The following ZNF423 variants were observed in gnomAD, a reference collection of about 807,000 sequenced individuals.
The protein encoded by ZNF423 is Ebf-associated zinc finger protein.
Under a neutral mutation model 95.8 loss-of-function variants are expected in ZNF423, and 12 were observed. That is an observed-to-expected ratio of 0.13 (90% confidence interval 0.08 to 0.20). ZNF423 has a LOEUF of 0.20. ZNF423 is among the 10% of genes least tolerant of loss of function. ZNF423 has a pLI of 1.00. For missense variants in ZNF423, 1,316 were observed against 1,737.1 expected, an observed-to-expected ratio of 0.76 and a Z score of 4.31; for synonymous variants, 749 against 711.9, an observed-to-expected ratio of 1.05 and a Z score of -0.83.
chr16:49,694,105 G>A (rs886153484), intron 3 of ZNF423, among the ~76,000 whole-genome samples: 13 of 152,142 alleles, frequency 8.5e-5, no homozygotes, highest in Admixed American at 8.5e-4. Flanking sequence ...TCCCCATGCC[G>A]TGATCATTTC....
chr16:49,565,207 T>G (rs1438848112), intron 5 of ZNF423, among the ~76,000 whole-genome samples: 2 of 152,204 alleles, frequency 1.3e-5, no homozygotes, highest in Non-Finnish European at 1.5e-5. Context: ...CCCTTTTCAG[T>G]GCAAACCCAC....
chr16:49,555,871 A>G lies in ZNF423; in HGVS notation c.3602-30377T>C, dbSNP rs1346889727. ...TGGATTGATGGGATGAGGAGGTTGAAAGGATGGATAGATGGATGGGTGGAT... is the reference window on the plus strand; with the variant it reads ...TGGATTGATGGGATGAGGAGGTTGAGAGGATGGATAGATGGATGGGTGGAT... On this transcript the variant is annotated intron_variant, in intron 5 of 7. Transcript: ENST00000563137. 3.9e-5 allele frequency among the ~76,000 whole-genome samples: 6 copies of G among 152,090 alleles called. 1 individual carries two copies. Among genetic ancestry groups the G allele is most frequent in the African/African-American group, 1.4e-4 (6 of 41,416 alleles).
chr16:49,624,051 T>C (rs190098287), intron 5 of ZNF423, among the ~76,000 whole-genome samples: 3 of 152,306 alleles, frequency 2.0e-5, no homozygotes, highest in Admixed American at 2.0e-4. Flanking sequence ...AGAAATGTAT[T>C]TGTCAGCATT....
chr16:49,679,122 A>G (rs1288004499), intron 3 of ZNF423, among the ~76,000 whole-genome samples: 57 of 152,328 alleles, frequency 3.7e-4, no homozygotes, highest in Admixed American at 3.7e-3. Flanking sequence ...GTTTTTGTTC[A>G]GTATACACAG....
At chr16:49,793,828 G>A (rs2034454377) in intron 1 of ZNF423, among the ~76,000 whole-genome samples, 1 of 152,176 alleles carries the variant, frequency 6.6e-6, no homozygotes, top group African/African-American at 2.4e-5. Flanking sequence ...TACACAGGGA[G>A]GGGGCACATG....
Position 49,636,091 on chromosome 16 carries a change from G to C in ZNF423, c.3085C>G (p.Arg1029Gly). Reference sequence around the variant, plus strand: ...ACTGTCTGCATGCAGACCACACAGCGGAAGCCCGTGAGTGAGTTGCGCAGG... The same window carrying C: ...ACTGTCTGCATGCAGACCACACAGCCGAAGCCCGTGAGTGAGTTGCGCAGG... ...PDLRNSLTGF[R>G]CVVCMQTVTS... The change falls in exon 4 of 8, where the codon CGC becomes GGC. Residue 1029 changes from arginine to glycine, a missense_variant. Arg to Gly is a moderately radical substitution (Grantham distance 125). Coordinates refer to ENST00000563137, the MANE Select transcript of ZNF423 (RefSeq NM_001379286.1). The surrounding 1 kb of genome is among the most constrained non-coding windows in gnomAD (Gnocchi z 8.6). 3 of 1,613,980 alleles carry C rather than the reference G, an allele frequency of 1.9e-6. No individual in the cohort carries two copies. Among genetic ancestry groups the C allele is most frequent in the Non-Finnish European group, 2.5e-6 (3 of 1,180,026 alleles).
At chr16:49,615,264 C>A (rs1971840021) in intron 5 of ZNF423, among the ~76,000 whole-genome samples, 1 of 151,992 alleles carries the variant, frequency 6.6e-6, no homozygotes. Context: ...GGACGGCAGG[C>A]AAATGCAAAT....
chr16:49,792,943 T>C (rs2143844065), intron 1 of ZNF423, among the ~76,000 whole-genome samples: 1 of 152,252 alleles, frequency 6.6e-6, no homozygotes, highest in East Asian at 1.9e-4. Context: ...TTTATTTTTA[T>C]ACTTTTTATA....
intron 2 of ZNF423, among the ~76,000 whole-genome samples, chr16:49,755,010 T>A (rs1185934133): frequency 6.6e-6 from 1 of 152,218 alleles, no homozygotes; most frequent in East Asian, 1.9e-4. Flanking sequence ...AGTCCGCCGG[T>A]GCGGCTATCT....
At chr16:49,537,182 A>C (rs1969082475) in intron 5 of ZNF423, among the ~76,000 whole-genome samples, 1 of 152,246 alleles carries the variant, frequency 6.6e-6, no homozygotes, top group Non-Finnish European at 1.5e-5. Context: ...CTGCAGAGCC[A>C]TGAAGTTTCT....
intron 5 of ZNF423, among the ~76,000 whole-genome samples, chr16:49,611,461 A>G (rs1360726231): frequency 6.6e-6 from 1 of 152,080 alleles, no homozygotes; most frequent in Non-Finnish European, 1.5e-5. Context: ...AAAAAAATAA[A>G]CTACAACATG....
intron 3 of ZNF423, among the ~76,000 whole-genome samples, chr16:49,710,906 G>C (rs1596898519): frequency 6.6e-6 from 1 of 152,292 alleles, no homozygotes; most frequent in East Asian, 1.9e-4. Context: ...GGCTTCACTT[G>C]GGGACATGGG....
intron 1 of ZNF423, among the ~76,000 whole-genome samples, chr16:49,817,903 G>T (rs2034881446): frequency 6.6e-6 from 1 of 152,006 alleles, no homozygotes; most frequent in East Asian, 1.9e-4. Flanking sequence ...TCACACAGCT[G>T]CAGTACCAGG....
intron 3 of ZNF423, among the ~76,000 whole-genome samples, chr16:49,672,455 C>A (rs1387013312): frequency 7.1e-6 from 1 of 141,506 alleles, no homozygotes; most frequent in African/African-American, 2.5e-5. Flanking sequence ...GGCCATCTGG[C>A]CTGGAGGGTC....
intron 5 of ZNF423, among the ~76,000 whole-genome samples, chr16:49,595,699 AC>A (rs1313372234): frequency 6.6e-6 from 1 of 152,214 alleles, no homozygotes; most frequent in Non-Finnish European, 1.5e-5. Flanking sequence ...AAACTTTTAA[AC>A]CATGCTCGCT....
At chr16:49,849,039 AT>A (rs139856488) in intron 1 of ZNF423, among the ~76,000 whole-genome samples, 2,485 of 152,196 alleles carry the variant, frequency 0.016, 68 homozygotes, top group African/African-American at 0.055. Context: ...AGCTTTGAAT[AT>A]TTTTCAAGGT....
intron 5 of ZNF423, among the ~76,000 whole-genome samples, chr16:49,609,163 G>T (rs1971635928): frequency 6.6e-6 from 1 of 152,122 alleles, no homozygotes; most frequent in South Asian, 2.1e-4. Context: ...ACCTAGGGAG[G>T]AAACGAGCCT....
chr16:49,687,152 A>T (rs888427709), intron 3 of ZNF423, among the ~76,000 whole-genome samples: 14 of 152,012 alleles, frequency 9.2e-5, no homozygotes, highest in African/African-American at 3.1e-4. Flanking sequence ...ATAGTTTATT[A>T]ACATCCACTA....
chr16:49,591,741 C>CA (rs1490653098), intron 5 of ZNF423, among the ~76,000 whole-genome samples: 1 of 152,118 alleles, frequency 6.6e-6, no homozygotes, highest in African/African-American at 2.4e-5. Flanking sequence ...CATTGGAAAC[C>CA]AAACACAAGT....
Sources: allele counts gnomAD v4.1 joint callset (sites outside exome capture counted in the v4.1 genomes callset), GRCh38; gene constraint gnomAD v4.1.1; non-coding constraint Gnocchi (gnomAD v3.1); transcripts MANE v1.5; gene names NCBI Gene and HGNC (gene_info 2026-07-23, HGNC 2026-07-21).